NALF1: variants seen among roughly 807,000 people sequenced by gnomAD.
NALF1 encodes the protein family with sequence similarity 155 member A.
Under a neutral mutation model 48.4 loss-of-function variants are expected in NALF1, and 3 were observed. The ratio of observed to expected loss-of-function variants is 0.06; its 90% confidence interval spans 0.03 to 0.16. The LOEUF (loss-of-function observed/expected upper bound fraction) is 0.16, where lower values mean the gene tolerates loss of function less well. Ranked by LOEUF, NALF1 falls within the 10% of genes least tolerant of loss-of-function variation. The probability of loss-of-function intolerance (pLI) is 1.00; values close to 1 mark genes in which losing one functional copy is unlikely to be tolerated. For synonymous variants in NALF1, 262 were observed against 245.7 expected (o/e 1.07, Z -0.62); for missense variants, 526 against 571.5 (o/e 0.92, Z 0.81).
chr13:107,197,530 A>T (rs1052772168), intron 2 of NALF1, among the ~76,000 whole-genome samples: 2 of 152,120 alleles, frequency 1.3e-5, no homozygotes, highest in African/African-American at 4.8e-5. Context: ...GACAAATATG[A>T]CCAAGAAAGT....
At chr13:107,612,998 A>G (rs1221192346) in intron 1 of NALF1, among the ~76,000 whole-genome samples, 1 of 140,104 alleles carries the variant, frequency 7.1e-6, no homozygotes, top group East Asian at 2.5e-4. Context: ...TTTTCCCACA[A>G]TGAGAAAAAA....
chr13:107,262,455 C>T (rs1880946984), intron 1 of NALF1, among the ~76,000 whole-genome samples: 1 of 152,058 alleles, frequency 6.6e-6, no homozygotes, highest in African/African-American at 2.4e-5. Flanking sequence ...TGCAGCATTT[C>T]TTTTGGACGA....
chr13:107,631,126 A>G (rs1879822955), intron 1 of NALF1, among the ~76,000 whole-genome samples: 1 of 152,114 alleles, frequency 6.6e-6, no homozygotes, highest in South Asian at 2.1e-4. Context: ...GCCTCCCAGT[A>G]GCTGGGACTA....
chr13:107,419,592 G>T (rs114897106), intron 1 of NALF1, among the ~76,000 whole-genome samples: 2,203 of 152,270 alleles, frequency 0.014, 49 homozygotes, highest in African/African-American at 0.051. Context: ...TTGGGAGATT[G>T]AACTCTGTGG....
chr13:107,682,296 G>A (rs778729868), intron 1 of NALF1, among the ~76,000 whole-genome samples: 1 of 152,160 alleles, frequency 6.6e-6, no homozygotes, highest in East Asian at 1.9e-4. Context: ...CTGTGATGGC[G>A]ATGTCATCTA....
chr13:107,515,250 C>T (rs955969123), intron 1 of NALF1, among the ~76,000 whole-genome samples: 1 of 152,012 alleles, frequency 6.6e-6, no homozygotes, highest in Non-Finnish European at 1.5e-5. Flanking sequence ...ACAGTGATGA[C>T]AGTAAGATTG....
intron 1 of NALF1, among the ~76,000 whole-genome samples, chr13:107,642,708 T>C (rs2138459879): frequency 6.6e-6 from 1 of 152,290 alleles, no homozygotes; most frequent in East Asian, 1.9e-4. Flanking sequence ...AGACCCACGT[T>C]AGATGATAAT....
intron 1 of NALF1, among the ~76,000 whole-genome samples, chr13:107,356,589 CCT>C (rs1882967522): frequency 6.6e-6 from 1 of 151,646 alleles, no homozygotes. Flanking sequence ...CAATTCATCC[CCT>C]ATCCCTCACT....
At position 107,690,808 on chromosome 13, in the gene NALF1, C is replaced by T. The variant is rs547725309; in HGVS notation, c.915+174874G>A. 5.9e-5 allele frequency among the ~76,000 whole-genome samples: 9 copies of T among 152,228 alleles called. No homozygotes were observed. The East Asian group carries it at 1.5e-3, about 26-fold the overall frequency. On this transcript the variant is annotated intron_variant, in intron 1 of 2. Coordinates refer to ENST00000375915, the MANE Select transcript of NALF1 (RefSeq NM_001080396.3). ...GAAATTTCATTATTCCTGCTATAAA[C>T]GCTCGTGCAGAGTTTCTAACAGTCA... is the stretch of plus-strand genomic sequence containing the variant.
At chr13:107,580,176 T>C (rs1279580684) in intron 1 of NALF1, among the ~76,000 whole-genome samples, 1 of 152,078 alleles carries the variant, frequency 6.6e-6, no homozygotes, top group Non-Finnish European at 1.5e-5. Flanking sequence ...AAATCATCAT[T>C]CTCAGCAAAC....
chr13:107,615,201 C>T (rs11617994), intron 1 of NALF1, among the ~76,000 whole-genome samples: 23,137 of 152,176 alleles, frequency 0.15, 2,434 homozygotes, highest in East Asian at 0.36. Context: ...TTTATACATT[C>T]ATATTTTTTT....
At chr13:107,639,363 A>G (rs1202869736) in intron 1 of NALF1, among the ~76,000 whole-genome samples, 1 of 151,986 alleles carries the variant, frequency 6.6e-6, no homozygotes, top group Non-Finnish European at 1.5e-5. Flanking sequence ...CTCCCCGATG[A>G]CCCAGCCAAA....
At chr13:107,475,553 G>A (rs976954371) in intron 1 of NALF1, among the ~76,000 whole-genome samples, 17 of 152,128 alleles carry the variant, frequency 1.1e-4, no homozygotes, top group South Asian at 6.2e-4. Context: ...ATTAAATGAG[G>A]GAGGATGTTA....
At chr13:107,705,851 T>C (rs1023734288) in intron 1 of NALF1, among the ~76,000 whole-genome samples, 3 of 152,138 alleles carry the variant, frequency 2.0e-5, no homozygotes, top group African/African-American at 7.2e-5. Flanking sequence ...TATTTTTTTT[T>C]CATTGACAGC....
chr13:107,501,678 G>A (rs1229212312), intron 1 of NALF1, among the ~76,000 whole-genome samples: 1 of 152,118 alleles, frequency 6.6e-6, no homozygotes, highest in African/African-American at 2.4e-5. Flanking sequence ...GGTTTAAGAA[G>A]GCTAAATAAA....
chr13:107,556,051 T>C (rs992773850), intron 1 of NALF1, among the ~76,000 whole-genome samples: 1 of 152,072 alleles, frequency 6.6e-6, no homozygotes, highest in African/African-American at 2.4e-5. Context: ...GAATGTATTA[T>C]CTCTTCAAAA....
intron 1 of NALF1, among the ~76,000 whole-genome samples, chr13:107,493,086 T>A (rs1378516804): frequency 6.6e-6 from 1 of 152,148 alleles, no homozygotes; most frequent in Non-Finnish European, 1.5e-5. Context: ...CTTGATGGCT[T>A]TATCTTCTCA....
Position 107,494,238 on chromosome 13 carries a change from T to G in NALF1, c.916-283483A>C, listed in dbSNP as rs543667762. On this transcript the variant is annotated intron_variant, in intron 1 of 2. Coordinates refer to ENST00000375915, the MANE Select transcript of NALF1 (RefSeq NM_001080396.3). ...CAAAAGAATCACTTTTTGATAGTCA[T>G]AAGAGGACAAATTAATTCAATAATT... 3.3e-5 allele frequency among the ~76,000 whole-genome samples: 5 copies of G among 152,228 alleles called. No homozygotes were observed. In the East Asian group the frequency reaches 9.7e-4, roughly 29 times the overall value.
chr13:107,733,229 A>T (rs116583000), intron 1 of NALF1, among the ~76,000 whole-genome samples: 1 of 152,182 alleles, frequency 6.6e-6, no homozygotes, highest in Non-Finnish European at 1.5e-5. Flanking sequence ...GTCTAGTCTG[A>T]GCCTAGCAAC....
Sources: allele counts gnomAD v4.1 joint callset (sites outside exome capture counted in the v4.1 genomes callset), GRCh38; gene constraint gnomAD v4.1.1; transcripts MANE v1.5; gene names NCBI Gene and HGNC (gene_info 2026-07-23, HGNC 2026-07-21).